Variants in GABRG3 observed in about 807,000 individuals in gnomAD.
GABRG3 encodes the protein gamma-aminobutyric acid type A receptor subunit gamma3, also known as gamma-aminobutyric acid receptor subunit gamma-3.
A neutral mutation model predicts 48.8 loss-of-function variants in GABRG3; 25 were observed. The ratio of observed to expected loss-of-function variants is 0.51; its 90% CI spans 0.37 to 0.72. The LOEUF is 0.72. Ranked by LOEUF, GABRG3 falls within the 30% of genes least tolerant of loss-of-function variation. The pLI is 0.00. For synonymous variants in GABRG3, 227 were observed against 217.6 expected, an observed-to-expected ratio of 1.04 and a Z score of -0.38; for missense variants, 394 against 577.9, an observed-to-expected ratio of 0.68 and a Z score of 3.26.
At chr15:27,222,006 A>T (rs955939241) in intron 3 of GABRG3, among the ~76,000 whole-genome samples, 7 of 152,196 alleles carry the variant, frequency 4.6e-5, no homozygotes, top group Admixed American at 4.6e-4. Context: ...TATTTTTAAA[A>T]ATCTTTAATA....
chr15:27,381,733 A>G (rs1236849247), intron 5 of GABRG3, among the ~76,000 whole-genome samples: 2 of 152,194 alleles, frequency 1.3e-5, no homozygotes, highest in Non-Finnish European at 2.9e-5. Context: ...AGGACTGGAA[A>G]CCAGAAGTCC....
intron 3 of GABRG3, among the ~76,000 whole-genome samples, chr15:27,264,536 CT>C (rs1890860618): frequency 6.6e-6 from 1 of 151,804 alleles, no homozygotes; most frequent in East Asian, 1.9e-4. Flanking sequence ...AACACTACCC[CT>C]AAAGCTCCCA....
intron 6 of GABRG3, among the ~76,000 whole-genome samples, chr15:27,497,108 G>T (rs1838640142): frequency 6.6e-6 from 1 of 152,188 alleles, no homozygotes; most frequent in Non-Finnish European, 1.5e-5. Flanking sequence ...CCTCTCATCA[G>T]TATCCCCCTC....
intron 3 of GABRG3, among the ~76,000 whole-genome samples, chr15:27,238,110 G>C (rs1890031576): frequency 1.0e-5 from 1 of 100,020 alleles, no homozygotes; most frequent in Non-Finnish European, 2.7e-5. Context: ...TTGAGATTCT[G>C]TGTCTCGCAG....
chr15:27,416,161 C>A (rs1231535033), intron 5 of GABRG3, among the ~76,000 whole-genome samples: 2 of 152,176 alleles, frequency 1.3e-5, no homozygotes, highest in African/African-American at 2.4e-5. Flanking sequence ...ATTAGAATGT[C>A]TTGTACTTTT....
chr15:27,282,102 A>G (rs887001219), intron 3 of GABRG3, among the ~76,000 whole-genome samples: 4 of 152,040 alleles, frequency 2.6e-5, no homozygotes, highest in Non-Finnish European at 5.9e-5. Context: ...CATCCAAATC[A>G]TTGCTCCCCA....
intron 3 of GABRG3, among the ~76,000 whole-genome samples, chr15:27,220,391 A>G (rs1189179632): frequency 2.0e-5 from 3 of 152,074 alleles, no homozygotes; most frequent in Admixed American, 2.0e-4. Flanking sequence ...AACCCTGGTG[A>G]TTGTCATGTG....
Position 27,347,744 on chromosome 15 carries a change from G to A in GABRG3, c.574+18856G>A, listed in dbSNP as rs147926731. ...GTGGTTGTCCCCCAGAAGTTTCTCA[G>A]TCTCATGCCCCTTCACACTCAGCCT... On this transcript the variant is annotated intron_variant, in intron 5 of 9. Transcript: ENST00000615808. Among the ~76,000 whole-genome samples the A allele has an allele frequency of 5.3e-3, 800 of 152,262 alleles. 3 individuals are homozygous for A. Among genetic ancestry groups the A allele is most frequent in the Middle Eastern group, 0.017 (5 of 294 alleles).
chr15:27,301,342 A>G (rs556650929), intron 3 of GABRG3, among the ~76,000 whole-genome samples: 15 of 152,312 alleles, frequency 9.8e-5, no homozygotes, highest in African/African-American at 3.6e-4. Context: ...ATATTATCAT[A>G]TCACTGTAGC....
At chr15:26,986,860 A>C (rs1012478730) in intron 2 of GABRG3, among the ~76,000 whole-genome samples, 2 of 152,160 alleles carry the variant, frequency 1.3e-5, no homozygotes, top group Non-Finnish European at 2.9e-5. Flanking sequence ...TTGAGTGAGA[A>C]AAGATCTGGA....
chr15:27,349,007 C>G (rs139482432), intron 5 of GABRG3, among the ~76,000 whole-genome samples: 1 of 152,094 alleles, frequency 6.6e-6, no homozygotes, highest in Admixed American at 6.5e-5. Flanking sequence ...ACCAGTTAGA[C>G]AGTTGGTGTC....
chr15:27,256,032 G>C (rs1357197830), intron 3 of GABRG3, among the ~76,000 whole-genome samples: 1 of 152,172 alleles, frequency 6.6e-6, no homozygotes, highest in Non-Finnish European at 1.5e-5. Context: ...AAATGTGATT[G>C]AGTTATGGAT....
intron 3 of GABRG3, among the ~76,000 whole-genome samples, chr15:27,211,132 G>C (rs1889066154): frequency 6.6e-6 from 1 of 152,194 alleles, no homozygotes; most frequent in Non-Finnish European, 1.5e-5. Flanking sequence ...TGGCAGGCCA[G>C]CATCTTGAAT....
At chr15:27,516,466 A>G (rs1201557247) in intron 6 of GABRG3, among the ~76,000 whole-genome samples, 5 of 152,184 alleles carry the variant, frequency 3.3e-5, no homozygotes, top group African/African-American at 1.2e-4. Context: ...TCTTCTGGGA[A>G]CTGCTCCTCC....
chr15:27,232,887 C>T (rs1889843365), intron 3 of GABRG3, among the ~76,000 whole-genome samples: 3 of 152,204 alleles, frequency 2.0e-5, no homozygotes, highest in Non-Finnish European at 4.4e-5. Flanking sequence ...ACTACCTGTC[C>T]AGAGGAAATG....
chr15:27,393,756 T>A (rs1449719262), intron 5 of GABRG3, among the ~76,000 whole-genome samples: 1 of 152,196 alleles, frequency 6.6e-6, no homozygotes, highest in Non-Finnish European at 1.5e-5. Flanking sequence ...CACTCCTTTC[T>A]GTTGAGCATA....
intron 3 of GABRG3, among the ~76,000 whole-genome samples, chr15:27,204,743 G>A (rs1468916235): frequency 6.6e-6 from 1 of 152,018 alleles, no homozygotes; most frequent in Non-Finnish European, 1.5e-5. Flanking sequence ...TCTCATTGTA[G>A]AGATCTTTCA....
intron 5 of GABRG3, among the ~76,000 whole-genome samples, chr15:27,402,988 T>C (rs1384273408): frequency 6.6e-6 from 1 of 152,128 alleles, no homozygotes; most frequent in Non-Finnish European, 1.5e-5. Context: ...GTCCGGCCTA[T>C]TTGATAAAGC....
chr15:27,465,289 G>A (rs190517733), intron 5 of GABRG3, among the ~76,000 whole-genome samples: 67 of 152,276 alleles, frequency 4.4e-4, no homozygotes, highest in Non-Finnish European at 8.4e-4. Flanking sequence ...CTAGACTTGC[G>A]TTTTCACGTT....
Sources: allele counts gnomAD v4.1 joint callset (sites outside exome capture counted in the v4.1 genomes callset), GRCh38; gene constraint gnomAD v4.1.1; transcripts MANE v1.5; gene names NCBI Gene and HGNC (gene_info 2026-07-23, HGNC 2026-07-21).